GYPE: variants seen among roughly 807,000 people sequenced by gnomAD.
GYPE encodes the protein glycophorin-E.
In GYPE, 8 loss-of-function variants were observed where a neutral mutation model predicts 11.6. The ratio of observed to expected loss-of-function variants is 0.69; its 90% confidence interval spans 0.41 to 1.25. The LOEUF (loss-of-function observed/expected upper bound fraction) is 1.25. Among genes scored for constraint, GYPE ranks in the 50% most tolerant of loss-of-function variants. The pLI, the probability that GYPE is intolerant of heterozygous loss-of-function variation, is 0.01. For missense variants in GYPE, 90 were observed against 92.8 expected, an observed-to-expected ratio of 0.97 and a Z score of 0.12; for synonymous variants, 28 against 29.6, an observed-to-expected ratio of 0.94 and a Z score of 0.18.
At chr4:143,884,041 G>C (rs1744155880) in intron 1 of GYPE, among the ~76,000 whole-genome samples, 1 of 151,810 alleles carries the variant, frequency 6.6e-6, no homozygotes, top group Non-Finnish European at 1.5e-5. Context: ...GTGAACACCT[G>C]CAAGACTCTG....
intron 2 of GYPE, among the ~76,000 whole-genome samples, 196 bp downstream of exon 2, chr4:143,880,215 G>A (rs572489801): frequency 7.2e-5 from 11 of 152,304 alleles, no homozygotes; most frequent in African/African-American, 2.4e-4. Context: ...TTAACTCACA[G>A]TATTATTTCT....
chr4:143,895,222 G>A (rs974830897), intron 1 of GYPE, among the ~76,000 whole-genome samples: 18 of 152,148 alleles, frequency 1.2e-4, no homozygotes, highest in Non-Finnish European at 2.5e-4. Flanking sequence ...AATTGTCCCT[G>A]TTCACAGACG....
intron 1 of GYPE, among the ~76,000 whole-genome samples, chr4:143,893,389 C>A (rs1366673363): frequency 6.8e-6 from 1 of 146,886 alleles, no homozygotes; most frequent in Non-Finnish European, 1.5e-5. Context: ...TTAGTTGATG[C>A]AGTTTCTTCC....
intron 1 of GYPE, among the ~76,000 whole-genome samples, chr4:143,885,085 C>G (rs1259052277): frequency 6.6e-6 from 1 of 151,714 alleles, no homozygotes; most frequent in Non-Finnish European, 1.5e-5. Context: ...CAAGCCACTT[C>G]TGCTCACAGA....
chr4:143,897,662 A>C (rs1257348329), intron 1 of GYPE, among the ~76,000 whole-genome samples: 2 of 152,146 alleles, frequency 1.3e-5, no homozygotes, highest in Non-Finnish European at 2.9e-5. Context: ...ACCTGGTTAT[A>C]CCCTATGTGA....
chr4:143,901,107 C>T (rs1385885681), intron 1 of GYPE, among the ~76,000 whole-genome samples: 1 of 152,106 alleles, frequency 6.6e-6, no homozygotes, highest in African/African-American at 2.4e-5. Flanking sequence ...CGGAACCTAA[C>T]CTGCTGTATA....
intron 1 of GYPE, among the ~76,000 whole-genome samples, chr4:143,897,152 TATA>T (rs976616726): frequency 6.6e-6 from 1 of 151,980 alleles, no homozygotes; most frequent in Non-Finnish European, 1.5e-5. Context: ...AAGCTTACAG[TATA>T]ATAATAATAA....
chr4:143,886,295 A>C (rs1489706729), intron 1 of GYPE, among the ~76,000 whole-genome samples: 1 of 148,884 alleles, frequency 6.7e-6, no homozygotes, highest in African/African-American at 2.5e-5. Context: ...AATACCTTCA[A>C]ATTAAATAAA....
intron 1 of GYPE, among the ~76,000 whole-genome samples, chr4:143,896,812 G>T (rs938689990): frequency 6.6e-6 from 1 of 152,186 alleles, no homozygotes. Context: ...ATACACCATG[G>T]AATAATATGC....
chr4:143,878,793 T>C, intron 2 of GYPE: 1 of 388,686 alleles, frequency 2.6e-6, no homozygotes, highest in Non-Finnish European at 5.1e-6. Flanking sequence ...TTGAGAGTTG[T>C]TGGTCAACTT....
chr4:143,897,038 A>G lies in GYPE; in HGVS notation c.37+8433T>C, dbSNP rs1744679560. Among the ~76,000 whole-genome samples, 9 of 152,140 alleles carry G rather than the reference A, an allele frequency of 5.9e-5. No homozygotes were observed. The South Asian group carries it at 1.9e-3, about 32-fold the overall frequency. ...GGGGGCAGGGGGGAGGGATAGCATT[A>G]AGAGATATACCTAATGCTAAATGAC... On this transcript the variant is annotated intron_variant, in intron 1 of 3. Coordinates refer to ENST00000358615, the MANE Select transcript of GYPE (RefSeq NM_198682.3).
intron 1 of GYPE, among the ~76,000 whole-genome samples, chr4:143,882,887 A>C (rs62338485): frequency 0.017 from 2,553 of 152,338 alleles, 36 homozygotes; most frequent in Non-Finnish European, 0.024. Context: ...GAATTTTCTC[A>C]GCATGAGAAT....
In GYPE at chr4:143,898,111, T is replaced by G. The variant is rs537218119; in HGVS notation, c.37+7360A>C. 3.2e-3 allele frequency among the ~76,000 whole-genome samples: 485 copies of G among 152,324 alleles called. 2 individuals carry two copies. Among genetic ancestry groups the G allele is most frequent in the Non-Finnish European group, 6.0e-3 (409 of 68,020 alleles). On this transcript the variant is annotated intron_variant, in intron 1 of 3. Coordinates refer to ENST00000358615, the MANE Select transcript of GYPE (RefSeq NM_198682.3). The stretch of plus-strand genomic sequence containing the variant: ...GATAGGTTACAACTGGTGCAATGGC[T>G]CATGCCTGTAATCCCAACACTTTGG...
At position 143,890,435 on chromosome 4, in the gene GYPE, AT is replaced by A. The variant is rs1446405748; in HGVS notation, c.38-9927del. 2.0e-5 allele frequency among the ~76,000 whole-genome samples: 3 copies of A among 152,336 alleles called. No individual in the cohort carries two copies. In the South Asian group the frequency reaches 6.2e-4, roughly 32 times the overall value. On this transcript the variant is annotated intron_variant, in intron 1 of 3. Transcript: ENST00000358615. ...GTTGGGCTGAATGAAAATAATTTCA[AT>A]TGAAAACAAAAACTTTATCCCAAAG...
chr4:143,887,692 G>T (rs1744258937), intron 1 of GYPE, among the ~76,000 whole-genome samples: 1 of 151,024 alleles, frequency 6.6e-6, no homozygotes, highest in Non-Finnish European at 1.5e-5. Context: ...TAGCAGGCAA[G>T]TGTTGGCAAA....
intron 1 of GYPE, among the ~76,000 whole-genome samples, chr4:143,893,277 G>T (rs531255353): frequency 3.6e-5 from 5 of 140,466 alleles, no homozygotes; most frequent in Non-Finnish European, 6.1e-5. Context: ...TTGCCAGTCT[G>T]TGTCTTTTAA....
intron 3 of GYPE, among the ~76,000 whole-genome samples, chr4:143,874,661 TATC>T (rs1743730111): frequency 6.6e-6 from 1 of 152,172 alleles, no homozygotes; most frequent in African/African-American, 2.4e-5. Flanking sequence ...AGTCAGAATG[TATC>T]TGGTGTGTAC....
intron 1 of GYPE, among the ~76,000 whole-genome samples, chr4:143,901,190 T>C (rs550048709): frequency 6.6e-6 from 1 of 152,226 alleles, no homozygotes; most frequent in East Asian, 1.9e-4. Flanking sequence ...CAAACAAAGA[T>C]GACATCATTT....
chr4:143,875,622 G>A, intron 3 of GYPE: 5 of 1,508,908 alleles, frequency 3.3e-6, no homozygotes, highest in Non-Finnish European at 3.6e-6. Flanking sequence ...GTAGCCAATT[G>A]GAGGCTTCTA....
Sources: gnomAD v4.1 joint callset for allele counts (sites outside exome capture counted in the v4.1 genomes callset) on GRCh38, gnomAD v4.1.1 for gene constraint, MANE v1.5 for transcripts, NCBI Gene and HGNC (gene_info 2026-07-23, HGNC 2026-07-21) for gene names.